PPP1R36: variants seen among roughly 807,000 people sequenced by gnomAD.
The protein encoded by PPP1R36 is chromosome 14 open reading frame 50.
PPP1R36 carries 47 observed loss-of-function variants against 53.4 expected under a neutral mutation model. The ratio of observed to expected loss-of-function variants is 0.88; its 90% CI spans 0.70 to 1.12. PPP1R36 has a LOEUF of 1.12. PPP1R36 is among the 50% of genes most tolerant of loss of function. The pLI is 0.00. For synonymous variants in PPP1R36, 153 were observed against 170.5 expected (o/e 0.90, Z 0.80); for missense variants, 456 against 513.9 (o/e 0.89, Z 1.09).
At position 64,588,165 on chromosome 14, in the gene PPP1R36, T is replaced by C. The variant is rs545248697; in HGVS notation, c.952T>C (p.Ser318Pro). 9.3e-5 allele frequency: 150 copies of C among 1,614,100 alleles called. No individual in the cohort carries two copies. In the East Asian group the frequency reaches 3.3e-3, roughly 35 times the overall value. Residue 318 changes from serine (S) to proline (P), a missense_variant, in exon 11 of 12, where the codon TCT becomes CCT. Physicochemically the swap from Ser to Pro is moderately conservative, Grantham distance 74. Transcript: ENST00000298705. The stretch of plus-strand genomic sequence containing the variant: ...TATCAACATGCGTTCTCCAGTCATG[T>C]CTACTCTGCTGCCATCTCTCAGAGA... ...KAINMRSPVM[S>P]TLLPSLREKA... is the part of the protein sequence containing the mutation.
chr14:64,575,133 A>AC, intron 8 of PPP1R36, among the ~76,000 whole-genome samples: 1 of 152,354 alleles, frequency 6.6e-6, no homozygotes, highest in South Asian at 2.1e-4. Flanking sequence ...AAGGTCGAAC[A>AC]CATCAACCCT....
At chr14:64,562,953 G>A (rs1230933987) in intron 3 of PPP1R36, among the ~76,000 whole-genome samples, 2 of 151,868 alleles carry the variant, frequency 1.3e-5, no homozygotes, top group Non-Finnish European at 2.9e-5. Context: ...TGCAACCTCC[G>A]CCTCCCGGGT....
chr14:64,550,370 C>T (rs1044310036), intron 1 of PPP1R36: 31 of 961,818 alleles, frequency 3.2e-5, no homozygotes, highest in Non-Finnish European at 4.2e-5. Flanking sequence ...GGGGAAGCAG[C>T]CCCGCTCTGG....
At chr14:64,588,474 C>T (rs1269470427) in intron 11 of PPP1R36, 179 bp downstream of exon 11, 13 of 525,922 alleles carry the variant, frequency 2.5e-5, no homozygotes, top group Middle Eastern at 1.0e-3. Flanking sequence ...TCTTGAGGTA[C>T]ACCCATCTAG....
chr14:64,565,749 C>A, intron 6 of PPP1R36, 57 bp downstream of exon 6: 1 of 1,287,604 alleles, frequency 7.8e-7, no homozygotes, highest in Non-Finnish European at 1.1e-6. Flanking sequence ...TCAGTAACTT[C>A]ATCTGATAAG....
At chr14:64,575,116 G>T (rs1004747144) in intron 8 of PPP1R36, among the ~76,000 whole-genome samples, 4 of 152,118 alleles carry the variant, frequency 2.6e-5, no homozygotes, top group African/African-American at 7.2e-5. Context: ...CACAGGTTTG[G>T]GATCACAAGG....
chr14:64,554,288 A>G (rs1426322803), intron 3 of PPP1R36, among the ~76,000 whole-genome samples: 1 of 150,420 alleles, frequency 6.6e-6, no homozygotes, highest in East Asian at 2.0e-4. Context: ...AGTAGCTGGG[A>G]TTACTGGCAT....
intron 8 of PPP1R36, 75 bp downstream of exon 8, chr14:64,574,664 T>A: frequency 6.8e-7 from 1 of 1,465,306 alleles, no homozygotes; most frequent in South Asian, 1.3e-5. Flanking sequence ...TCCGTTTGAC[T>A]TTTGTTACCT....
Position 64,550,987 on chromosome 14 carries a change from T to C in PPP1R36, c.134+2T>C, listed in dbSNP as rs1413618535. ...AACCAGAACTCTTGAATTCAGAAGG[T>C]AAAATTTAACAACACTTTATTAGAG... On this transcript the variant is annotated splice_donor_variant, in intron 2 of 11. Transcript: ENST00000298705. LOFTEE classifies it high-confidence loss of function. 6.3e-7 allele frequency: 1 copy of C among 1,592,170 alleles called. No homozygotes were observed. The highest frequency in any genetic ancestry group is 2.2e-5 in the East Asian group (1 of 44,758).
intron 8 of PPP1R36, among the ~76,000 whole-genome samples, chr14:64,583,055 C>CTATATATATA (rs748020243): frequency 7.1e-6 from 1 of 141,594 alleles, no homozygotes; most frequent in African/African-American, 2.6e-5. Flanking sequence ...CCACTCCCAG[C>CTATATATATA]TATATATATA....
At chr14:64,578,168 G>A (rs983008836) in intron 8 of PPP1R36, among the ~76,000 whole-genome samples, 2 of 150,336 alleles carry the variant, frequency 1.3e-5, no homozygotes, top group Admixed American at 6.6e-5. Context: ...TAGTCAGGCT[G>A]GTCTTGAATT....
intron 7 of PPP1R36, among the ~76,000 whole-genome samples, chr14:64,570,828 G>GCCCTACTTCC (rs2080297099): frequency 1.3e-5 from 2 of 152,162 alleles, no homozygotes; most frequent in Admixed American, 1.3e-4. Flanking sequence ...GTGATTAAAA[G>GCCCTACTTCC]CCCTACTTCC....
At chr14:64,570,578 T>C (rs2080294479) in intron 7 of PPP1R36, among the ~76,000 whole-genome samples, 1 of 152,208 alleles carries the variant, frequency 6.6e-6, no homozygotes, top group Non-Finnish European at 1.5e-5. Context: ...TTACTTACTA[T>C]AATAGAATTA....
chr14:64,579,075 C>T (rs1237591569), intron 8 of PPP1R36, among the ~76,000 whole-genome samples: 1 of 152,100 alleles, frequency 6.6e-6, no homozygotes, highest in Non-Finnish European at 1.5e-5. Flanking sequence ...AACTTATGAA[C>T]ACAAAGAAAG....
chr14:64,583,900 CT>C (rs912391508), intron 8 of PPP1R36, among the ~76,000 whole-genome samples: 10,180 of 119,960 alleles, frequency 0.085, 432 homozygotes, highest in African/African-American at 0.14. Flanking sequence ...GTTACCTCCT[CT>C]TTTTTTTTTT....
intron 3 of PPP1R36, among the ~76,000 whole-genome samples, chr14:64,562,349 T>G (rs990615818): frequency 1.3e-5 from 2 of 151,978 alleles, no homozygotes; most frequent in African/African-American, 4.8e-5. Flanking sequence ...TAATCCCAGC[T>G]ACTTTGGAGG....
At chr14:64,559,031 T>C (rs756229412) in intron 3 of PPP1R36, among the ~76,000 whole-genome samples, 6 of 152,124 alleles carry the variant, frequency 3.9e-5, no homozygotes, top group Non-Finnish European at 8.8e-5. Context: ...GTTTTGGGGA[T>C]TTTTGTTAGT....
At chr14:64,566,092 A>G (rs997201330) in intron 6 of PPP1R36, among the ~76,000 whole-genome samples, 4 of 152,076 alleles carry the variant, frequency 2.6e-5, no homozygotes, top group African/African-American at 7.2e-5. Flanking sequence ...ACGTGGTGAA[A>G]CCCCGTCTCT....
intron 5 of PPP1R36, 57 bp from the exon 6 acceptor site, chr14:64,565,569 G>T: frequency 6.6e-7 from 1 of 1,504,786 alleles, no homozygotes; most frequent in Non-Finnish European, 9.2e-7. Flanking sequence ...CGTATCTTGT[G>T]TGACTCTCTA....
Sources: allele counts gnomAD v4.1 joint callset (sites outside exome capture counted in the v4.1 genomes callset), GRCh38; gene constraint gnomAD v4.1.1; transcripts MANE v1.5; gene names NCBI Gene and HGNC (gene_info 2026-07-23, HGNC 2026-07-21).